The following HDAC8 variants were observed in gnomAD, a reference collection of about 807,000 sequenced individuals.
HDAC8 encodes histone deacetylase-like 1.
HDAC8 carries 1 observed loss-of-function variant against 32.2 expected under a neutral mutation model. The observed-to-expected ratio is 0.03, with a 90% confidence interval of 0.01 to 0.15. The LOEUF (loss-of-function observed/expected upper bound fraction) is 0.15. Among genes scored for constraint, HDAC8 ranks in the 10% least tolerant of loss-of-function variants. HDAC8 has a pLI of 1.00. For synonymous variants in HDAC8, 108 were observed against 113.9 expected (o/e 0.95, Z 0.33); for missense variants, 117 against 300.0 (o/e 0.39, Z 4.51).
At chrX:72,465,494 G>A (rs1410193295) in intron 7 of HDAC8, among the ~76,000 whole-genome samples, 1 of 110,188 alleles carries the variant, frequency 9.1e-6, no homozygotes, top group Non-Finnish European at 1.9e-5. Context: ...CCTTAGTCAA[G>A]CTTTCAGTAT....
At chrX:72,411,030 C>T (rs373463658) in intron 9 of HDAC8, among the ~76,000 whole-genome samples, 2 of 83,553 alleles carry the variant, frequency 2.4e-5, no homozygotes, top group Non-Finnish European at 4.3e-5. Flanking sequence ...TTCTTTCTTT[C>T]TTTTTTTTTT....
At chrX:72,547,202 C>A (rs1450656635) in intron 4 of HDAC8, among the ~76,000 whole-genome samples, 1 of 111,492 alleles carries the variant, frequency 9.0e-6, no homozygotes, top group Non-Finnish European at 1.9e-5. Context: ...ATACGATTCA[C>A]ACTTCAGTAC....
intron 9 of HDAC8, among the ~76,000 whole-genome samples, chrX:72,402,777 C>T (rs782021315): frequency 3.6e-5 from 4 of 110,883 alleles, no homozygotes; most frequent in Non-Finnish European, 5.7e-5. Flanking sequence ...CTATTTCTTC[C>T]TTTTTCTGTG....
intron 9 of HDAC8, among the ~76,000 whole-genome samples, chrX:72,382,914 A>G: frequency 8.9e-6 from 1 of 112,315 alleles, no homozygotes; most frequent in South Asian, 3.7e-4. Context: ...AAAGCTGTTT[A>G]AAAGCGATTG....
rs782047185 is a variant in HDAC8, at chrX:72,462,133, A to G, written c.911-35T>C. 8 of 1,057,833 alleles carry G rather than the reference A, an allele frequency of 7.6e-6. No individual in the cohort carries two copies. The Admixed American group carries it at 1.6e-4, about 21-fold the overall frequency. The allele number at this position is 1,057,833 out of a possible 1,213,427, so 87.2% of individuals were successfully genotyped here. On this transcript the variant is annotated intron_variant, in intron 8 of 10. Coordinates refer to ENST00000373573, the MANE Select transcript of HDAC8 (RefSeq NM_018486.3). ...TCAAGAATTGTGAAGTTAGGAAAGA[A>G]TAGTCATAAAACAGCAGGAGAGGGA...
rs1388466822 is a variant in HDAC8, at chrX:72,394,044, AG to A, written c.1006-42207del. On this transcript the variant is annotated intron_variant, in intron 9 of 10. Transcript: ENST00000373573. ...CCCCGCCACTGGATACAGAGACTCC[AG>A]TATGACTGCCTTCTCCTCACTTCAG... Among the ~76,000 whole-genome samples the A allele has an allele frequency of 4.5e-5, 5 of 111,490 alleles. No individual in the cohort carries two copies. The Admixed American group carries it at 4.8e-4, about 11-fold the overall frequency.
intron 9 of HDAC8, among the ~76,000 whole-genome samples, chrX:72,402,880 C>T (rs1362837356): frequency 2.7e-5 from 3 of 110,888 alleles, no homozygotes; most frequent in Non-Finnish European, 5.7e-5. Flanking sequence ...ACAGATTGAC[C>T]CTTTTACCAT....
At chrX:72,464,462 T>TA (rs1343373247) in intron 8 of HDAC8, 97 bp downstream of exon 8, 3 of 683,072 alleles carry the variant, frequency 4.4e-6, no homozygotes, top group Non-Finnish European at 4.8e-6. Flanking sequence ...AGGTTGGTAT[T>TA]ATCCAATGCA....
chrX:72,421,415 C>A (rs1242922425), intron 9 of HDAC8, among the ~76,000 whole-genome samples: 3 of 111,259 alleles, frequency 2.7e-5, no homozygotes, highest in Non-Finnish European at 5.7e-5. Context: ...GTGTTGTTCC[C>A]CTCCATGTGT....
At chrX:72,497,394 G>A (rs782223135) in intron 4 of HDAC8, among the ~76,000 whole-genome samples, 2 of 111,510 alleles carry the variant, frequency 1.8e-5, no homozygotes, top group South Asian at 7.6e-4. Flanking sequence ...GCAATTGAAC[G>A]TTCAAGATTT....
intron 2 of HDAC8, 63 bp from the exon 3 acceptor site, chrX:72,568,947 A>G: frequency 9.1e-7 from 1 of 1,096,882 alleles, no homozygotes; most frequent in East Asian, 3.1e-5. Context: ...GCCAGAAGCT[A>G]GAAACAGAAG....
At chrX:72,472,688 T>C (rs1235251705) in intron 7 of HDAC8, among the ~76,000 whole-genome samples, 2 of 112,060 alleles carry the variant, frequency 1.8e-5, no homozygotes. Context: ...GGATCAGATA[T>C]GTCAATTTGT....
intron 9 of HDAC8, among the ~76,000 whole-genome samples, chrX:72,400,590 G>A (rs895564072): frequency 8.9e-6 from 1 of 111,831 alleles, no homozygotes; most frequent in Non-Finnish European, 1.9e-5. Flanking sequence ...TATTATCCTA[G>A]TTGAAGCCAC....
intron 4 of HDAC8, among the ~76,000 whole-genome samples, chrX:72,562,882 C>CTT (rs1164766535): frequency 6.2e-5 from 6 of 96,345 alleles, no homozygotes; most frequent in Admixed American, 1.1e-4. Context: ...TATTTTTTTT[C>CTT]TTTTTTTTTT....
chrX:72,512,398 G>A lies in HDAC8; in HGVS notation c.438-17130C>T, dbSNP rs918032940. Among the ~76,000 whole-genome samples, 37 of 111,681 alleles carry A rather than the reference G, an allele frequency of 3.3e-4. 1 individual carries two copies. The highest frequency in any genetic ancestry group is 1.1e-3 in the African/African-American group (33 of 30,775). ...ATCCTGCCCTTGAGTTCACAACTGA[G>A]TTGAATCAAGCTATAAGACTAATAC... On this transcript the variant is annotated intron_variant, in intron 4 of 10. Transcript: ENST00000373573.
chrX:72,438,484 G>C (rs782182241), intron 9 of HDAC8, among the ~76,000 whole-genome samples: 1 of 111,526 alleles, frequency 9.0e-6, no homozygotes, highest in Non-Finnish European at 1.9e-5. Flanking sequence ...ACAAAAGTAG[G>C]CTTCAGAAGG....
intron 4 of HDAC8, among the ~76,000 whole-genome samples, chrX:72,556,983 G>A (rs1165307757): frequency 8.9e-6 from 1 of 112,054 alleles, no homozygotes; most frequent in Non-Finnish European, 1.9e-5. Context: ...TTGGGAGGCC[G>A]AGACGGGTGG....
intron 4 of HDAC8, among the ~76,000 whole-genome samples, chrX:72,531,360 A>G (rs1214561430): frequency 5.4e-5 from 6 of 111,922 alleles, no homozygotes; most frequent in Admixed American, 4.7e-4. Context: ...ACTTGAGCCA[A>G]CTTCTCAGTT....
At chrX:72,473,787 C>A (rs782378728) in intron 7 of HDAC8, 2 of 754,566 alleles carry the variant, frequency 2.7e-6, no homozygotes, top group South Asian at 6.7e-5. Context: ...TTAATCTTCC[C>A]AAGCAAGCTT....
Sources: allele counts gnomAD v4.1 joint callset (sites outside exome capture counted in the v4.1 genomes callset), GRCh38; gene constraint gnomAD v4.1.1; transcripts MANE v1.5; gene names NCBI Gene and HGNC (gene_info 2026-07-23, HGNC 2026-07-21).